Variants in CACNB2 observed in about 807,000 individuals in gnomAD.
The protein encoded by CACNB2 is calcium voltage-gated channel auxiliary subunit beta 2, also known as voltage-dependent L-type calcium channel subunit beta-2.
Under a neutral mutation model 73.3 loss-of-function variants are expected in CACNB2, and 42 were observed. The ratio of observed to expected loss-of-function variants is 0.57; its 90% CI spans 0.45 to 0.74. The LOEUF is 0.74. Among genes scored for constraint, CACNB2 ranks in the 30% least tolerant of loss-of-function variants. CACNB2 has a pLI of 0.00. For synonymous variants in CACNB2, 348 were observed against 310.3 expected (o/e 1.12, Z -1.28); for missense variants, 940 against 853.0 (o/e 1.10, Z -1.27).
intron 2 of CACNB2, among the ~76,000 whole-genome samples, chr10:18,263,965 G>A (rs186197468): frequency 2.0e-5 from 3 of 152,300 alleles, no homozygotes; most frequent in Admixed American, 6.5e-5. Flanking sequence ...CAGCTTCGCA[G>A]CTCAGAAGTA....
At chr10:18,518,761 G>A in intron 8 of CACNB2, 149 bp from the exon 9 acceptor site, 2 of 714,652 alleles carry the variant, frequency 2.8e-6, no homozygotes, top group Non-Finnish European at 4.9e-6. Flanking sequence ...TCAGAACTCA[G>A]AAGCAGAAAA....
chr10:18,195,759 A>C (rs990181822), intron 2 of CACNB2, among the ~76,000 whole-genome samples: 1 of 152,214 alleles, frequency 6.6e-6, no homozygotes, highest in African/African-American at 2.4e-5. Context: ...TGGTTCTGAC[A>C]CTGGTCCATT....
intron 2 of CACNB2, among the ~76,000 whole-genome samples, chr10:18,373,583 G>C (rs1247931078): frequency 2.6e-5 from 4 of 152,124 alleles, no homozygotes; most frequent in Non-Finnish European, 4.4e-5. Flanking sequence ...ATTCAAGCTT[G>C]GGCCAGCCAA....
Position 18,348,479 on chromosome 10 carries a change from GGACA to G in CACNB2, c.214-53430_214-53427del, listed in dbSNP as rs370595547. On this transcript the variant is annotated intron_variant, in intron 2 of 13. Coordinates refer to ENST00000324631, the MANE Select transcript of CACNB2 (RefSeq NM_201596.3). ...TGGACGGACGGATGGACAGATGGAT[GGACA>G]GACAGACAGACAGATAGATGGATGG... Among the ~76,000 whole-genome samples the G allele has an allele frequency of 8.3e-4, 126 of 152,186 alleles. 1 individual carries two copies. Among genetic ancestry groups the G allele is most frequent in the Admixed American group, 4.4e-3 (67 of 15,286 alleles).
intron 10 of CACNB2, among the ~76,000 whole-genome samples, chr10:18,531,412 C>G (rs10741099): frequency 6.6e-6 from 1 of 151,926 alleles, no homozygotes; most frequent in South Asian, 2.1e-4. Flanking sequence ...CACTCCATCA[C>G]TGATGGGCCT....
At chr10:18,262,853 C>G (rs1327880748) in intron 2 of CACNB2, among the ~76,000 whole-genome samples, 1 of 152,124 alleles carries the variant, frequency 6.6e-6, no homozygotes, top group Non-Finnish European at 1.5e-5. Context: ...TATTTTAGTT[C>G]TTCTTCTTAC....
At chr10:18,384,767 C>CA (rs1206418452) in intron 2 of CACNB2, among the ~76,000 whole-genome samples, 1 of 149,412 alleles carries the variant, frequency 6.7e-6, no homozygotes, top group African/African-American at 2.5e-5. Flanking sequence ...AAAAAACCCA[C>CA]AAAACCAAAA....
At chr10:18,218,953 C>G (rs1456308159) in intron 2 of CACNB2, among the ~76,000 whole-genome samples, 1 of 152,166 alleles carries the variant, frequency 6.6e-6, no homozygotes, top group Non-Finnish European at 1.5e-5. Flanking sequence ...CTCTTGAGCC[C>G]AGGAGTTTAA....
intron 2 of CACNB2, among the ~76,000 whole-genome samples, chr10:18,311,052 G>C (rs186298768): frequency 5.4e-4 from 82 of 152,074 alleles, no homozygotes; most frequent in African/African-American, 1.9e-3. Flanking sequence ...TTTTGTTCTT[G>C]TTTTATAAAT....
chr10:18,483,113 T>C (rs2048872573), intron 3 of CACNB2, among the ~76,000 whole-genome samples: 1 of 151,746 alleles, frequency 6.6e-6, no homozygotes, highest in African/African-American at 2.4e-5. Flanking sequence ...AGAGAGTGAG[T>C]GATCACATGG....
In CACNB2 at chr10:18,477,957, G is replaced by A. The variant is rs187143229; in HGVS notation, c.334-20398G>A. On this transcript the variant is annotated intron_variant, in intron 3 of 13. Transcript: ENST00000324631. ...GTTTGTTTGTTCGTTTGTTTGAGAC[G>A]GAGTTTCACTCTTGTTGCCCAGGCT... is the stretch of plus-strand genomic sequence containing the variant. Among the ~76,000 whole-genome samples, 595 of 152,164 alleles carry A rather than the reference G, an allele frequency of 3.9e-3. 2 individuals carry two copies. The highest frequency in any genetic ancestry group is 6.6e-3 in the Non-Finnish European group (449 of 68,006).
intron 2 of CACNB2, among the ~76,000 whole-genome samples, chr10:18,156,226 A>C (rs752425429): frequency 6.6e-6 from 1 of 152,228 alleles, no homozygotes; most frequent in Non-Finnish European, 1.5e-5. Context: ...GGTCTTAAGG[A>C]AAGTTTTCTT....
intron 2 of CACNB2, among the ~76,000 whole-genome samples, chr10:18,212,032 G>A (rs1031157322): frequency 1.3e-5 from 2 of 152,108 alleles, no homozygotes; most frequent in Non-Finnish European, 2.9e-5. Context: ...TGTATCAACA[G>A]GCCCAAATCC....
chr10:18,467,280 C>T (rs1439496052), intron 3 of CACNB2, among the ~76,000 whole-genome samples: 1 of 152,182 alleles, frequency 6.6e-6, no homozygotes, highest in Non-Finnish European at 1.5e-5. Flanking sequence ...CCTTTTGCCA[C>T]AAGATTCAAA....
At chr10:18,362,192 A>G (rs918953688) in intron 2 of CACNB2, among the ~76,000 whole-genome samples, 1 of 152,220 alleles carries the variant, frequency 6.6e-6, no homozygotes, top group African/African-American at 2.4e-5. Flanking sequence ...TTTTGTATAC[A>G]TGCATACATC....
rs2054089361 is a variant in CACNB2, at chr10:18,541,969, C to A, written c.*2245C>A. ...CCAAGTTCTTACCAAATATTCTTAG[C>A]CTTTTATAAGTAAAACTGTTTTACA... On this transcript the variant is annotated 3_prime_UTR_variant, in exon 14 of 14. Transcript: ENST00000324631. The A allele has an allele frequency of 6.6e-6, 1 of 152,054 alleles. No homozygotes were observed. The highest frequency in any genetic ancestry group is 2.4e-5 in the African/African-American group (1 of 41,392). The allele number at this position is 152,054 out of a possible 1,614,324, so 9.4% of individuals were successfully genotyped here.
At chr10:18,384,292 T>G (rs1318475312) in intron 2 of CACNB2, among the ~76,000 whole-genome samples, 1 of 152,164 alleles carries the variant, frequency 6.6e-6, no homozygotes, top group Non-Finnish European at 1.5e-5. Context: ...TTTCTGTAAT[T>G]GAAAAACAAT....
intron 3 of CACNB2, among the ~76,000 whole-genome samples, chr10:18,485,743 G>C (rs1003073255): frequency 6.6e-6 from 1 of 151,342 alleles, no homozygotes; most frequent in African/African-American, 2.4e-5. Context: ...TGAATTTTTA[G>C]TAGACCTGGT....
intron 3 of CACNB2, among the ~76,000 whole-genome samples, chr10:18,451,424 T>C (rs1485078626): frequency 6.6e-6 from 1 of 152,178 alleles, no homozygotes. Flanking sequence ...ATTGCAGTCA[T>C]GGATAGAGAG....
Sources: allele counts gnomAD v4.1 joint callset (sites outside exome capture counted in the v4.1 genomes callset), GRCh38; gene constraint gnomAD v4.1.1; transcripts MANE v1.5; gene names NCBI Gene and HGNC (gene_info 2026-07-23, HGNC 2026-07-21).